TCERG1L: variants seen among roughly 807,000 people sequenced by gnomAD.
TCERG1L encodes transcription elongation regulator 1 like, also known as transcription elongation regulator 1-like protein.
A neutral mutation model predicts 56.3 loss-of-function variants in TCERG1L; 37 were observed. The ratio of observed to expected loss-of-function variants is 0.66; its 90% confidence interval spans 0.51 to 0.87. The LOEUF is 0.87. Ranked by LOEUF, TCERG1L falls within the 40% of genes least tolerant of loss-of-function variation. The pLI is 0.00. For synonymous variants in TCERG1L, 324 were observed against 326.3 expected (o/e 0.99, Z 0.08); for missense variants, 799 against 774.2 (o/e 1.03, Z -0.38).
At chr10:131,254,570 G>A (rs912066387) in intron 4 of TCERG1L, among the ~76,000 whole-genome samples, 3 of 152,138 alleles carry the variant, frequency 2.0e-5, no homozygotes, top group Admixed American at 6.5e-5. Context: ...ATAGGGCAGA[G>A]TGGAAACAGA....
At chr10:131,119,717 T>C (rs1019344364) in intron 8 of TCERG1L, among the ~76,000 whole-genome samples, 3 of 152,226 alleles carry the variant, frequency 2.0e-5, no homozygotes, top group African/African-American at 7.2e-5. Context: ...CTGAATGAGT[T>C]CTGTACCTTT....
rs533259377 is a variant in TCERG1L, at chr10:131,148,337, CACAA to C, written c.1035-1681_1035-1678del. Among the ~76,000 whole-genome samples, 882 of 148,534 alleles carry C rather than the reference CACAA, an allele frequency of 5.9e-3. 5 individuals carry two copies. Among genetic ancestry groups the C allele is most frequent in the South Asian group, 0.036 (163 of 4,536 alleles). On this transcript the variant is annotated intron_variant, in intron 6 of 11. Transcript: ENST00000368642. ...AGAGACACACACAAACACACATACA[CACAA>C]ACAGACACACAGAGACACACATGCA...
chr10:131,257,026 A>AAAGAAAGAAAGG (rs1846178594), intron 4 of TCERG1L, among the ~76,000 whole-genome samples: 1 of 149,068 alleles, frequency 6.7e-6, no homozygotes, highest in Admixed American at 6.8e-5. Context: ...AGAAAGAAAG[A>AAAGAAAGAAAGG]AAGAAAGAAA....
chr10:131,168,769 C>T (rs1314189122), intron 4 of TCERG1L, among the ~76,000 whole-genome samples: 3 of 152,172 alleles, frequency 2.0e-5, no homozygotes, highest in Admixed American at 1.3e-4. Flanking sequence ...TCCCTGAGGG[C>T]GCCGGCCTCC....
At chr10:131,256,413 T>C (rs995574426) in intron 4 of TCERG1L, among the ~76,000 whole-genome samples, 1 of 152,200 alleles carries the variant, frequency 6.6e-6, no homozygotes, top group Non-Finnish European at 1.5e-5. Flanking sequence ...TAAATAGTTC[T>C]GGAAGCAAAG....
chr10:131,167,612 G>C lies in TCERG1L; in HGVS notation c.857-727C>G, dbSNP rs190917239. 2.6e-5 allele frequency among the ~76,000 whole-genome samples: 4 copies of C among 152,344 alleles called. No homozygotes were observed. The East Asian group carries it at 7.7e-4, about 29-fold the overall frequency. On this transcript the variant is annotated intron_variant, in intron 4 of 11. Coordinates refer to ENST00000368642, the MANE Select transcript of TCERG1L (RefSeq NM_174937.4). Reference sequence around the variant, plus strand: ...AACCAGCCTTGCTGAGGTTCTGCCAGCTGGTGGCCATGATGGGCTGCCCTT... The same window carrying C: ...AACCAGCCTTGCTGAGGTTCTGCCACCTGGTGGCCATGATGGGCTGCCCTT...
At position 131,260,566 on chromosome 10, in the gene TCERG1L, T is replaced by C. The variant is rs1846227905; in HGVS notation, c.671-122A>G. On this transcript the variant is annotated intron_variant, in intron 3 of 11. Coordinates refer to ENST00000368642, the MANE Select transcript of TCERG1L (RefSeq NM_174937.4). The surrounding 1 kb of genome is among the most constrained non-coding windows in gnomAD (Gnocchi z 5.8). ...ACAGGTGAGGGGGGCGCTACCCCTC[T>C]TTAATGGAGGCCCACAGTATGTGCC... is the stretch of plus-strand genomic sequence containing the variant. 3 of 1,178,192 alleles carry C rather than the reference T, an allele frequency of 2.5e-6. No individual in the cohort carries two copies. The highest frequency in any genetic ancestry group is 3.3e-6 in the Non-Finnish European group (3 of 921,700). The allele number at this position is 1,178,192 out of a possible 1,614,324, so 73.0% of individuals were successfully genotyped here.
chr10:131,296,333 A>AGACACGC (rs1846689842), intron 3 of TCERG1L, among the ~76,000 whole-genome samples: 1 of 152,252 alleles, frequency 6.6e-6, no homozygotes, highest in Non-Finnish European at 1.5e-5. Flanking sequence ...TTTTGAAGAC[A>AGACACGC]GACAGATGTT....
At chr10:131,274,049 G>A (rs1229636518) in intron 3 of TCERG1L, among the ~76,000 whole-genome samples, 1 of 152,128 alleles carries the variant, frequency 6.6e-6, no homozygotes, top group East Asian at 1.9e-4. Flanking sequence ...GCCTGGGCGT[G>A]TGATGGAAGC....
chr10:131,235,203 C>T (rs1845900706), intron 4 of TCERG1L, among the ~76,000 whole-genome samples: 2 of 152,174 alleles, frequency 1.3e-5, no homozygotes, highest in South Asian at 2.1e-4. Flanking sequence ...ATGTAGTTTA[C>T]CCTTACCACA....
At chr10:131,277,002 G>T (rs1172019281) in intron 3 of TCERG1L, among the ~76,000 whole-genome samples, 1 of 152,238 alleles carries the variant, frequency 6.6e-6, no homozygotes, top group East Asian at 1.9e-4. Flanking sequence ...CTGTTGAGTT[G>T]TCATGTCAAT....
intron 4 of TCERG1L, among the ~76,000 whole-genome samples, chr10:131,251,093 A>T (rs1229935440): frequency 2.6e-5 from 4 of 152,116 alleles, no homozygotes; most frequent in African/African-American, 9.7e-5. Flanking sequence ...GAACCCACTC[A>T]TCTTTGCTGT....
At chr10:131,164,134 AAAAAAAAAAAGAAAAAAG>A (rs1409836559) in intron 5 of TCERG1L, 44 of 151,024 alleles carry the variant, frequency 2.9e-4, no homozygotes, top group East Asian at 9.7e-4. Context: ...CTTAAAAAAA[AAAAAAAAAAAGAAAAAAG>A]AAAAAAAAAA....
chr10:131,155,684 G>A (rs1358509390), intron 6 of TCERG1L, among the ~76,000 whole-genome samples: 2 of 152,194 alleles, frequency 1.3e-5, no homozygotes, highest in Admixed American at 6.5e-5. Context: ...TGCAGGCAGG[G>A]GGCTGACAGC....
At chr10:131,172,964 C>T (rs1053367186) in intron 4 of TCERG1L, among the ~76,000 whole-genome samples, 10 of 149,172 alleles carry the variant, frequency 6.7e-5, no homozygotes, top group Admixed American at 4.0e-4. Context: ...GATCTTGGCT[C>T]ACTGCAACTT....
At chr10:131,113,806 C>T (rs904503156) in intron 9 of TCERG1L, among the ~76,000 whole-genome samples, 1 of 141,820 alleles carries the variant, frequency 7.1e-6, no homozygotes. Flanking sequence ...TCTCCTGGCC[C>T]CTGGGTGAGC....
Position 131,311,518 on chromosome 10 carries a change from C to T in TCERG1L, c.118G>A (p.Val40Ile). 2 of 1,202,022 alleles carry T rather than the reference C, an allele frequency of 1.7e-6. No individual in the cohort carries two copies. The highest frequency in any genetic ancestry group is 2.1e-6 in the Non-Finnish European group (2 of 966,426). The allele number at this position is 1,202,022 out of a possible 1,614,324, so 74.5% of individuals were successfully genotyped here. A position where few individuals can be genotyped will look rare whatever the true frequency, so the allele number is the denominator to read the frequency against. The change falls in exon 1 of 12, where the codon GTC becomes ATC. Residue 40 changes from valine to isoleucine, a missense_variant. By Grantham distance (29) the Val-to-Ile change is conservative (BLOSUM62 3). Coordinates refer to ENST00000368642, the MANE Select transcript of TCERG1L (RefSeq NM_174937.4). The surrounding 1 kb of genome is among the most constrained non-coding windows in gnomAD (Gnocchi z 4.0). ...DAEPPPPPPW[V>I]WMVPGSAGLL... ...CCGGCCGAGCCCGGCACCATCCAGA[C>T]CCAGGGCGGCGGCGGCGGCGGCTCT...
At chr10:131,291,710 G>A (rs1472303329) in intron 3 of TCERG1L, among the ~76,000 whole-genome samples, 2 of 151,656 alleles carry the variant, frequency 1.3e-5, no homozygotes, top group Non-Finnish European at 2.9e-5. Context: ...ACAGGCGTGA[G>A]CCACCGCGCC....
At chr10:131,310,382 G>A (rs1386177423) in intron 1 of TCERG1L, among the ~76,000 whole-genome samples, 1 of 152,130 alleles carries the variant, frequency 6.6e-6, no homozygotes, top group African/African-American at 2.4e-5. Flanking sequence ...TAAGTCTAAA[G>A]ACCAATTTAG....
Sources: allele counts gnomAD v4.1 joint callset (sites outside exome capture counted in the v4.1 genomes callset), GRCh38; gene constraint gnomAD v4.1.1; non-coding constraint Gnocchi (gnomAD v3.1); transcripts MANE v1.5; gene names NCBI Gene and HGNC (gene_info 2026-07-23, HGNC 2026-07-21).